Variants in GRIA3 observed in about 807,000 individuals in gnomAD.
The protein encoded by GRIA3 is glutamate ionotropic receptor AMPA type subunit 3.
In GRIA3, 3 loss-of-function variants were observed where a neutral mutation model predicts 63.0. The ratio of observed to expected loss-of-function variants is 0.05; its 90% CI spans 0.02 to 0.12. The LOEUF is 0.12. Ranked by LOEUF, GRIA3 falls within the 10% of genes least tolerant of loss-of-function variation. The pLI is 1.00. For synonymous variants in GRIA3, 274 were observed against 257.9 expected (o/e 1.06, Z -0.60); for missense variants, 347 against 700.9 (o/e 0.50, Z 5.70).
intron 5 of GRIA3, among the ~76,000 whole-genome samples, chrX:123,362,342 T>C (rs1331509485): frequency 3.6e-5 from 4 of 111,507 alleles, no homozygotes; most frequent in South Asian, 3.8e-4. Flanking sequence ...GAAGTCTGCA[T>C]AGTGTAGCCA....
At chrX:123,328,145 T>C (rs1330532351) in intron 4 of GRIA3, among the ~76,000 whole-genome samples, 1 of 111,848 alleles carries the variant, frequency 8.9e-6, no homozygotes, top group Admixed American at 9.5e-5. Context: ...GGTAGAGCTC[T>C]GAATTCTATA....
chrX:123,456,601 A>G (rs933177088), intron 12 of GRIA3, among the ~76,000 whole-genome samples: 3 of 108,492 alleles, frequency 2.8e-5, no homozygotes, highest in Non-Finnish European at 3.8e-5. Context: ...GTCCTACCCC[A>G]CCCACCCTAG....
At chrX:123,476,054 A>G (rs921408832) in intron 13 of GRIA3, among the ~76,000 whole-genome samples, 1 of 111,788 alleles carries the variant, frequency 8.9e-6, no homozygotes, top group Non-Finnish European at 1.9e-5. Flanking sequence ...AATTATAATC[A>G]TAATAATAAG....
chrX:123,247,869 CAG>C (rs909571625), intron 2 of GRIA3, among the ~76,000 whole-genome samples: 7 of 108,980 alleles, frequency 6.4e-5, no homozygotes, highest in Admixed American at 9.7e-5. Flanking sequence ...GCAAAGTACA[CAG>C]AGAGAGAGAG....
At chrX:123,309,839 C>T (rs1444550136) in intron 3 of GRIA3, among the ~76,000 whole-genome samples, 1 of 111,611 alleles carries the variant, frequency 9.0e-6, no homozygotes, top group Non-Finnish European at 1.9e-5. Flanking sequence ...GAGTAGTCCT[C>T]ATTAACTTTT....
intron 10 of GRIA3, among the ~76,000 whole-genome samples, chrX:123,406,237 C>A (rs1470973257): frequency 8.9e-6 from 1 of 112,218 alleles, no homozygotes; most frequent in Non-Finnish European, 1.9e-5. Flanking sequence ...TGGGTGGTGG[C>A]AAAGGTTTAG....
intron 3 of GRIA3, among the ~76,000 whole-genome samples, chrX:123,274,274 T>G (rs1320354308): frequency 8.9e-6 from 1 of 112,471 alleles, no homozygotes; most frequent in African/African-American, 3.2e-5. Flanking sequence ...TAACCCAAAC[T>G]TAATTGTAAG....
At chrX:123,422,030 C>T (rs1455183503) in intron 11 of GRIA3, among the ~76,000 whole-genome samples, 1 of 112,111 alleles carries the variant, frequency 8.9e-6, no homozygotes, top group African/African-American at 3.2e-5. Flanking sequence ...ATTTCCACTA[C>T]TGCACACTGC....
At chrX:123,230,868 C>A (rs1449044553) in intron 2 of GRIA3, among the ~76,000 whole-genome samples, 1 of 111,935 alleles carries the variant, frequency 8.9e-6, no homozygotes, top group Non-Finnish European at 1.9e-5. Context: ...ACAAAGCCAA[C>A]AGCTGTTTGC....
At chrX:123,431,908 ATTTG>A (rs2045620272) in intron 12 of GRIA3, among the ~76,000 whole-genome samples, 2 of 111,223 alleles carry the variant, frequency 1.8e-5, no homozygotes, top group East Asian at 2.8e-4. Flanking sequence ...TCTTGCCATT[ATTTG>A]TTTGTTTTTT....
chrX:123,429,131 A>G (rs1376920615), intron 12 of GRIA3, among the ~76,000 whole-genome samples: 1 of 111,770 alleles, frequency 8.9e-6, no homozygotes, highest in East Asian at 2.8e-4. Flanking sequence ...CCAATAATCA[A>G]GTTATTGGAT....
intron 2 of GRIA3, among the ~76,000 whole-genome samples, chrX:123,230,368 T>C (rs1179096539): frequency 2.7e-5 from 3 of 111,939 alleles, no homozygotes; most frequent in Non-Finnish European, 5.6e-5. Context: ...CCTTAGTTAA[T>C]ACAAAAACTA....
chrX:123,204,637 G>A, intron 2 of GRIA3: 2 of 1,082,149 alleles, frequency 1.8e-6, no homozygotes, highest in Non-Finnish European at 2.4e-6. Flanking sequence ...CAAAGTTGAT[G>A]AAATATCAAG....
rs1927569365 is a variant in GRIA3, at chrX:123,196,085, GACA to G, written c.268+10098_268+10100del. 2.7e-5 allele frequency among the ~76,000 whole-genome samples: 3 copies of G among 111,055 alleles called. No homozygotes were observed. The Admixed American group carries it at 2.9e-4, about 11-fold the overall frequency. On this transcript the variant is annotated intron_variant, in intron 2 of 15. Transcript: ENST00000620443. Reference sequence around the variant, plus strand: ...TTGGTGGGGGGAGGCTGTGCTCTGGGACAACTTCTTAGGTTCTAGAACATGCAA... The same window carrying G: ...TTGGTGGGGGGAGGCTGTGCTCTGGGACTTCTTAGGTTCTAGAACATGCAA...
At chrX:123,322,651 AAAC>A (rs1294353337) in intron 3 of GRIA3, among the ~76,000 whole-genome samples, 1 of 111,659 alleles carries the variant, frequency 9.0e-6, no homozygotes, top group African/African-American at 3.3e-5. Context: ...TTAGGTATGA[AAAC>A]AAATAAAAGC....
intron 3 of GRIA3, among the ~76,000 whole-genome samples, chrX:123,310,910 C>T (rs771907796): frequency 1.2e-4 from 13 of 109,313 alleles, no homozygotes; most frequent in Admixed American, 6.9e-4. Flanking sequence ...GGCTGAGGCA[C>T]GAGAACCTCT....
intron 2 of GRIA3, among the ~76,000 whole-genome samples, chrX:123,190,896 G>A (rs1223040338): frequency 8.9e-6 from 1 of 111,875 alleles, no homozygotes; most frequent in Non-Finnish European, 1.9e-5. Flanking sequence ...GGTAGTCAGA[G>A]GTGATTGGCT....
intron 3 of GRIA3, among the ~76,000 whole-genome samples, chrX:123,289,513 T>C (rs912276377): frequency 9.1e-6 from 1 of 110,319 alleles, no homozygotes; most frequent in Non-Finnish European, 1.9e-5. Flanking sequence ...TCAGAATTTC[T>C]AGAAGTGAGA....
intron 10 of GRIA3, among the ~76,000 whole-genome samples, chrX:123,407,254 G>C (rs143563455): frequency 1.6e-4 from 18 of 111,226 alleles, no homozygotes; most frequent in Non-Finnish European, 2.8e-4. Flanking sequence ...CTCACAACAC[G>C]CCTCTGGGGA....
Sources: allele counts gnomAD v4.1 joint callset (sites outside exome capture counted in the v4.1 genomes callset), GRCh38; gene constraint gnomAD v4.1.1; transcripts MANE v1.5; gene names NCBI Gene and HGNC (gene_info 2026-07-23, HGNC 2026-07-21).